Variants in CMTR1 observed in about 807,000 individuals in gnomAD.
The protein encoded by CMTR1 is cap methyltransferase 1.
In CMTR1, 39 loss-of-function variants were observed where a neutral mutation model predicts 107.0. The observed-to-expected ratio is 0.36, with a 90% CI of 0.28 to 0.48. CMTR1 has a LOEUF of 0.48. Among genes scored for constraint, CMTR1 ranks in the 20% least tolerant of loss-of-function variants. The probability of loss-of-function intolerance (pLI) is 0.99; values close to 1 mark genes in which losing one functional copy is unlikely to be tolerated. For synonymous variants in CMTR1, 366 were observed against 379.5 expected (o/e 0.96, Z 0.41); for missense variants, 672 against 1,064.9 (o/e 0.63, Z 5.14).
At chr6:37,452,213 C>T (rs1322101291) in intron 6 of CMTR1, among the ~76,000 whole-genome samples, 1 of 152,186 alleles carries the variant, frequency 6.6e-6, no homozygotes, top group Non-Finnish European at 1.5e-5. Context: ...CCAAGATCTG[C>T]AACTCTTTGC....
At chr6:37,476,291 C>A in intron 20 of CMTR1, 97 bp downstream of exon 20, 1 of 1,268,898 alleles carries the variant, frequency 7.9e-7, no homozygotes, top group Non-Finnish European at 1.1e-6. Flanking sequence ...GGGCACTAGG[C>A]AAGTGGGTGT....
Position 37,481,001 on chromosome 6 carries a change from G to T in CMTR1, c.*856G>T. On this transcript the variant is annotated 3_prime_UTR_variant, in exon 24 of 24. Transcript: ENST00000373451. ...GGGTACCTCCAGGGGTTTGGGTAGCGCTGCCCTCTGGCAGTCATGCACCGC... is the reference window on the plus strand; with the variant it reads ...GGGTACCTCCAGGGGTTTGGGTAGCTCTGCCCTCTGGCAGTCATGCACCGC... 7.7e-7 allele frequency: 1 copy of T among 1,301,458 alleles called. No homozygotes were observed. Among genetic ancestry groups the T allele is most frequent in the Non-Finnish European group, 1.0e-6 (1 of 987,998 alleles). The allele number at this position is 1,301,458 out of a possible 1,614,324, so 80.6% of individuals were successfully genotyped here.
Position 37,446,429 on chromosome 6 carries a change from G to T in CMTR1, c.424G>T (p.Asp142Tyr). ...LRGFDQELNVDWRDEPEPSAC... is the reference protein window; with the variant it reads ...LRGFDQELNVYWRDEPEPSAC... ...GGGCTTTGACCAGGAGCTGAACGTG[G>T]ACTGGCGAGATGAGCCAGAGGTAAG... is the stretch of plus-strand genomic sequence containing the variant. The change falls in exon 4 of 24, where the codon GAC becomes TAC. Residue 142 changes from aspartate to tyrosine, a missense_variant. Transcript: ENST00000373451. 6.2e-7 allele frequency: 1 copy of T among 1,613,696 alleles called. No individual in the cohort carries two copies. The highest frequency in any genetic ancestry group is 8.5e-7 in the Non-Finnish European group (1 of 1,179,992).
intron 4 of CMTR1, among the ~76,000 whole-genome samples, chr6:37,449,221 C>T (rs1474190862): frequency 6.6e-6 from 1 of 152,088 alleles, no homozygotes; most frequent in Non-Finnish European, 1.5e-5. Context: ...ATTGGAATTA[C>T]AGGTGTGAGC....
intron 20 of CMTR1, among the ~76,000 whole-genome samples, chr6:37,477,342 C>T (rs1484702667): frequency 6.6e-6 from 1 of 152,204 alleles, no homozygotes. Context: ...TCTTCAGTAT[C>T]CAGTTTCACT....
chr6:37,424,974 G>T, the CMTR1 span, among the ~76,000 whole-genome samples: 2 of 121,954 alleles, frequency 1.6e-5, no homozygotes, highest in African/African-American at 3.4e-5. Flanking sequence ...TTGAGATGGA[G>T]TTTTGCTCTT....
In CMTR1 at chr6:37,479,374, C is replaced by T. The variant is rs994501430; in HGVS notation, c.2375+119C>T. 9.5e-6 allele frequency: 7 copies of T among 739,762 alleles called. No homozygotes were observed. In the Admixed American group the frequency reaches 1.4e-4, roughly 15 times the overall value. The allele number at this position is 739,762 out of a possible 1,614,324, so 45.8% of individuals were successfully genotyped here. ...TGAGACTGTTGCCCATGCAGGGGTT[C>T]CCCTGAGCACAGGCCTGAGAATACT... On this transcript the variant is annotated intron_variant, in intron 23 of 23. Coordinates refer to ENST00000373451, the MANE Select transcript of CMTR1 (RefSeq NM_015050.3).
At chr6:37,445,788 C>A (rs113035041) in intron 3 of CMTR1, among the ~76,000 whole-genome samples, 1 of 151,900 alleles carries the variant, frequency 6.6e-6, no homozygotes, top group Admixed American at 6.6e-5. Context: ...CCACCGCGCC[C>A]GGTCCCATAC....
chr6:37,434,112 A>C (rs910863501), intron 1 of CMTR1, among the ~76,000 whole-genome samples: 4 of 152,006 alleles, frequency 2.6e-5, no homozygotes, highest in African/African-American at 9.7e-5. Context: ...TTTTGGGGGT[A>C]TTTAAGACTA....
chr6:37,470,390 C>T (rs1300676525), intron 13 of CMTR1, among the ~76,000 whole-genome samples: 1 of 152,138 alleles, frequency 6.6e-6, no homozygotes, highest in Non-Finnish European at 1.5e-5. Context: ...TCGTGATCCG[C>T]CCGCCTCAGC....
At chr6:37,446,917 T>TA (rs1169847149) in intron 4 of CMTR1, among the ~76,000 whole-genome samples, 2 of 152,256 alleles carry the variant, frequency 1.3e-5, no homozygotes, top group African/African-American at 4.8e-5. Flanking sequence ...GGTGCTTTTT[T>TA]ATGCCACATT....
At chr6:37,479,112 C>T (rs752836608) in intron 22 of CMTR1, 35 bp from the exon 23 acceptor site, 3 of 1,479,686 alleles carry the variant, frequency 2.0e-6, no homozygotes, top group South Asian at 1.1e-5. Context: ...TGCTTTGTGT[C>T]CCTTCTGGGC....
At chr6:37,453,348 T>C (rs760061253) in intron 8 of CMTR1, 36 bp downstream of exon 8, 2 of 1,575,696 alleles carry the variant, frequency 1.3e-6, no homozygotes, top group Admixed American at 3.3e-5. Context: ...TTCATGGTGC[T>C]AAGAGGGCTT....
At chr6:37,470,564 C>T (rs1459235627) in intron 13 of CMTR1, among the ~76,000 whole-genome samples, 1 of 152,204 alleles carries the variant, frequency 6.6e-6, no homozygotes, top group Non-Finnish European at 1.5e-5. Flanking sequence ...CCTGTTTTCC[C>T]TCTTGTCAAT....
intron 8 of CMTR1, among the ~76,000 whole-genome samples, chr6:37,456,842 G>C (rs1761305334): frequency 6.6e-6 from 1 of 152,176 alleles, no homozygotes; most frequent in Admixed American, 6.5e-5. Context: ...TCAGGTGTGG[G>C]TAAGAGCATA....
At chr6:37,464,232 G>A (rs149008246) in intron 13 of CMTR1, among the ~76,000 whole-genome samples, 33 of 152,234 alleles carry the variant, frequency 2.2e-4, no homozygotes, top group African/African-American at 7.2e-4. Context: ...TTGGGAGGCT[G>A]AGGCAGATGG....
At chr6:37,436,102 G>A (rs1028718580) in intron 2 of CMTR1, among the ~76,000 whole-genome samples, 7 of 152,164 alleles carry the variant, frequency 4.6e-5, no homozygotes, top group African/African-American at 1.7e-4. Context: ...TTATCCTGGG[G>A]CTCTTTTGTA....
chr6:37,452,240 G>C (rs1424035703), intron 6 of CMTR1, among the ~76,000 whole-genome samples: 3 of 152,140 alleles, frequency 2.0e-5, no homozygotes, highest in African/African-American at 4.8e-5. Context: ...ACCTTGGCCC[G>C]GTGGTTTTAC....
At chr6:37,460,911 G>A (rs1761390340) in intron 10 of CMTR1, among the ~76,000 whole-genome samples, 1 of 152,072 alleles carries the variant, frequency 6.6e-6, no homozygotes, top group Non-Finnish European at 1.5e-5. Context: ...CTCCTGCTGG[G>A]ATCTCACAAG....
Sources: gnomAD v4.1 joint callset for allele counts (sites outside exome capture counted in the v4.1 genomes callset) on GRCh38, gnomAD v4.1.1 for gene constraint, MANE v1.5 for transcripts, NCBI Gene and HGNC (gene_info 2026-07-23, HGNC 2026-07-21) for gene names.